The following KLHL24 variants were observed in gnomAD, a reference collection of about 807,000 sequenced individuals.
The protein encoded by KLHL24 is kelch-like protein 24.
In KLHL24, 29 loss-of-function variants were observed where a neutral mutation model predicts 53.4. The observed-to-expected ratio is 0.54, with a 90% CI of 0.40 to 0.74. KLHL24 has a LOEUF of 0.74. KLHL24 is among the 30% of genes least tolerant of loss of function. KLHL24 has a pLI of 0.00. For missense variants in KLHL24, 504 were observed against 744.0 expected (o/e 0.68, Z 3.75); for synonymous variants, 222 against 253.7 (o/e 0.88, Z 1.19).
Position 183,684,214 on chromosome 3 carries a change from A to G in KLHL24, c.*4928A>G, listed in dbSNP as rs978403879. The G allele has an allele frequency of 1.3e-5, 2 of 151,948 alleles. No homozygotes were observed. Among genetic ancestry groups the G allele is most frequent in the Non-Finnish European group, 2.9e-5 (2 of 67,940 alleles). 9.4% of individuals were successfully genotyped at this position (151,948 alleles called of 1,614,324 possible). ...CCAAGGTTTCTTTATTTAAATTTTT[A>G]TTGAGAGTTGTTGGAGCTCTAAGAC... On this transcript the variant is annotated 3_prime_UTR_variant, in exon 8 of 8. Coordinates refer to ENST00000242810, the MANE Select transcript of KLHL24 (RefSeq NM_017644.3).
At position 183,680,076 on chromosome 3, in the gene KLHL24, T is replaced by C. The variant is rs1576997518; in HGVS notation, c.*790T>C. 1 of 152,334 alleles carries C rather than the reference T, an allele frequency of 6.6e-6. No individual in the cohort carries two copies. Among genetic ancestry groups the C allele is most frequent in the East Asian group, 1.9e-4 (1 of 5,182 alleles). 9.4% of individuals were successfully genotyped at this position (152,334 alleles called of 1,614,324 possible). ...ATCTCTTCAATCCTCTAAGAAAGCC[T>C]CTTTTCTTAACTTGATAAAGCAGTG... On this transcript the variant is annotated 3_prime_UTR_variant, in exon 8 of 8. Coordinates refer to ENST00000242810, the MANE Select transcript of KLHL24 (RefSeq NM_017644.3).
chr3:183,671,539 T>C (rs1338883378), intron 6 of KLHL24, among the ~76,000 whole-genome samples: 1 of 152,168 alleles, frequency 6.6e-6, no homozygotes, highest in Non-Finnish European at 1.5e-5. Context: ...CAAAACACAG[T>C]TGAGAAGTGA....
At chr3:183,637,230 T>C (rs1402730612) in intron 1 of KLHL24, among the ~76,000 whole-genome samples, 1 of 152,228 alleles carries the variant, frequency 6.6e-6, no homozygotes, top group Non-Finnish European at 1.5e-5. Flanking sequence ...GTCCACCAGC[T>C]AAGAGGTTGG....
intron 3 of KLHL24, among the ~76,000 whole-genome samples, chr3:183,655,638 C>A (rs370439637): frequency 6.6e-6 from 1 of 151,848 alleles, no homozygotes. Flanking sequence ...CAAAAAAATT[C>A]TACTGGCCAG....
chr3:183,671,953 A>G (rs942130569), intron 6 of KLHL24, among the ~76,000 whole-genome samples: 4 of 152,242 alleles, frequency 2.6e-5, no homozygotes, highest in African/African-American at 9.6e-5. Context: ...AGGACTCCCT[A>G]AAAGCATTAA....
intron 3 of KLHL24, among the ~76,000 whole-genome samples, chr3:183,660,981 C>T (rs1248072140): frequency 8.8e-6 from 1 of 113,460 alleles, no homozygotes; most frequent in Non-Finnish European, 1.8e-5. Context: ...AGGAGAATGG[C>T]GTGAACCCGG....
chr3:183,665,227 T>C (rs754999838), intron 5 of KLHL24, among the ~76,000 whole-genome samples, 188 bp downstream of exon 5: 5 of 152,220 alleles, frequency 3.3e-5, no homozygotes, highest in Admixed American at 6.5e-5. Context: ...GATATTTTGT[T>C]CTCCTAATTT....
At chr3:183,673,166 C>T (rs1721586245) in intron 7 of KLHL24, among the ~76,000 whole-genome samples, 1 of 151,754 alleles carries the variant, frequency 6.6e-6, no homozygotes, top group South Asian at 2.1e-4. Flanking sequence ...GATCATGCCA[C>T]TTGCACTCCA....
chr3:183,677,045 A>C (rs1712016199), intron 7 of KLHL24, among the ~76,000 whole-genome samples: 1 of 151,972 alleles, frequency 6.6e-6, no homozygotes, highest in South Asian at 2.1e-4. Context: ...TAAGTTTTTC[A>C]TACAGTATAA....
chr3:183,653,937 T>C lies in KLHL24; in HGVS notation c.920+2661T>C, dbSNP rs142519448. The stretch of plus-strand genomic sequence containing the variant: ...TTGGCATTAATCACTAGGAATTTCA[T>C]TATCTGAACAATGTGTATTATTTGT... On this transcript the variant is annotated intron_variant, in intron 3 of 7. Coordinates refer to ENST00000242810, the MANE Select transcript of KLHL24 (RefSeq NM_017644.3). Among the ~76,000 whole-genome samples the C allele has an allele frequency of 1.8e-4, 27 of 152,252 alleles. No individual in the cohort carries two copies. The East Asian group carries it at 4.4e-3, about 25-fold the overall frequency.
At chr3:183,647,041 G>A (rs1717367576) in intron 2 of KLHL24, among the ~76,000 whole-genome samples, 1 of 146,088 alleles carries the variant, frequency 6.8e-6, no homozygotes, top group Non-Finnish European at 1.5e-5. Flanking sequence ...TCGATTTCCT[G>A]ACCTTGTGAT....
At chr3:183,645,003 A>C (rs976788100) in intron 2 of KLHL24, among the ~76,000 whole-genome samples, 1 of 152,250 alleles carries the variant, frequency 6.6e-6, no homozygotes, top group East Asian at 1.9e-4. Context: ...TCAAAGTCAC[A>C]ATCACTTGTG....
chr3:183,651,081 A>G lies in KLHL24; in HGVS notation c.725A>G (p.Asp242Gly), dbSNP rs1215384926. The G allele has an allele frequency of 1.2e-6, 2 of 1,614,180 alleles. No individual in the cohort carries two copies. Among genetic ancestry groups the G allele is most frequent in the Admixed American group, 3.3e-5 (2 of 60,018 alleles). Residue 242 changes from aspartate to glycine, a missense_variant, in exon 3 of 8, where the codon GAT (aspartate) becomes GGT (glycine). Asp to Gly is a moderately conservative substitution (Grantham distance 94). Transcript: ENST00000242810. ...ATGCGTTGGGTCTATCGTGCCGTTG[A>G]TCTGAGAAGACCACTGTTACACGAG... ...AVMRWVYRAV[D>G]LRRPLLHELL...
chr3:183,660,685 T>G (rs1719607461), intron 3 of KLHL24, among the ~76,000 whole-genome samples: 1 of 152,140 alleles, frequency 6.6e-6, no homozygotes. Flanking sequence ...ATAGCCATTT[T>G]CATATAGAAG....
chr3:183,640,891 C>G (rs1024672435), intron 1 of KLHL24, among the ~76,000 whole-genome samples: 1 of 151,870 alleles, frequency 6.6e-6, no homozygotes, highest in African/African-American at 2.4e-5. Context: ...TGAGCCACCT[C>G]GGCCAGCCAG....
In KLHL24 at chr3:183,666,525, G is replaced by A. The variant is rs144427553; in HGVS notation, c.1224+1486G>A. Among the ~76,000 whole-genome samples, 1,371 of 152,222 alleles carry A rather than the reference G, an allele frequency of 9.0e-3. 54 individuals are homozygous for A. Among genetic ancestry groups the A allele is most frequent in the East Asian group, 0.076 (393 of 5,178 alleles). On this transcript the variant is annotated intron_variant, in intron 5 of 7. Transcript: ENST00000242810. ...GATCTGCCTGCCTCAGCCTCCCAAA[G>A]TGCTGGGATTACAGGCATGAGCCAC...
At chr3:183,677,918 A>C (rs1712177801) in intron 7 of KLHL24, among the ~76,000 whole-genome samples, 1 of 151,994 alleles carries the variant, frequency 6.6e-6, no homozygotes, top group South Asian at 2.1e-4. Flanking sequence ...CAGCCTCCCG[A>C]GTAGTAGGGA....
intron 3 of KLHL24, among the ~76,000 whole-genome samples, chr3:183,653,795 G>A (rs1045269437): frequency 1.5e-4 from 20 of 131,680 alleles, no homozygotes; most frequent in Non-Finnish European, 9.5e-5. Context: ...TGGTTTTGCA[G>A]ATAATGTTAT....
chr3:183,651,115 A>T lies in KLHL24; in HGVS notation c.759A>T (p.Thr253=). 6.2e-7 allele frequency: 1 copy of T among 1,614,208 alleles called. No homozygotes were observed. Among genetic ancestry groups the T allele is most frequent in the Admixed American group, 1.7e-5 (1 of 60,020 alleles). ...LRRPLLHELL[T]HVRLPLLHPN... ...GACCACTGTTACACGAGCTCCTGACACATGTGAGACTCCCTCTGTTGCATC... is the reference window on the plus strand; with the variant it reads ...GACCACTGTTACACGAGCTCCTGACTCATGTGAGACTCCCTCTGTTGCATC... The change falls in exon 3 of 8, where the codon ACA becomes ACT. Residue 253 remains threonine (T), a synonymous_variant. Coordinates refer to ENST00000242810, the MANE Select transcript of KLHL24 (RefSeq NM_017644.3).
Sources: allele counts gnomAD v4.1 joint callset (sites outside exome capture counted in the v4.1 genomes callset), GRCh38; gene constraint gnomAD v4.1.1; transcripts MANE v1.5; gene names NCBI Gene and HGNC (gene_info 2026-07-23, HGNC 2026-07-21).